AATF: variants seen among roughly 807,000 people sequenced by gnomAD.
AATF encodes the protein apoptosis antagonizing transcription factor.
In AATF, 48 loss-of-function variants were observed where a neutral mutation model predicts 63.7. The observed-to-expected ratio is 0.75, with a 90% CI of 0.60 to 0.96. The LOEUF (loss-of-function observed/expected upper bound fraction) is 0.96. Among genes scored for constraint, AATF ranks in the 40% least tolerant of loss-of-function variants. The pLI is 0.00. For missense variants in AATF, 639 were observed against 685.7 expected (o/e 0.93, Z 0.76); for synonymous variants, 258 against 247.7 (o/e 1.04, Z -0.39).
chr17:37,004,263 G>A (rs959614856), intron 8 of AATF, among the ~76,000 whole-genome samples: 10 of 152,198 alleles, frequency 6.6e-5, no homozygotes, highest in Middle Eastern at 6.8e-3. Flanking sequence ...TTCAGGAGGC[G>A]GAGGTTGCAG....
intron 4 of AATF, among the ~76,000 whole-genome samples, chr17:36,970,394 AC>A (rs1438872491): frequency 6.6e-6 from 1 of 152,130 alleles, no homozygotes; most frequent in East Asian, 1.9e-4. Context: ...TTTAAAAGTT[AC>A]TTTTTAAAAA....
chr17:37,022,151 T>TGTGTGA (rs1555652536), intron 10 of AATF, among the ~76,000 whole-genome samples: 4 of 114,550 alleles, frequency 3.5e-5, no homozygotes, highest in African/African-American at 6.3e-5. Flanking sequence ...TGTGTGTGTG[T>TGTGTGA]GAGAAACACA....
intron 4 of AATF, among the ~76,000 whole-genome samples, chr17:36,982,998 C>T (rs1376048259): frequency 6.6e-6 from 1 of 151,876 alleles, no homozygotes; most frequent in Non-Finnish European, 1.5e-5. Flanking sequence ...ATTTTAAAGT[C>T]CCTTCTGGGA....
chr17:37,028,264 A>T (rs1301249140), intron 10 of AATF, among the ~76,000 whole-genome samples: 1 of 151,954 alleles, frequency 6.6e-6, no homozygotes, highest in African/African-American at 2.4e-5. Context: ...AAAAAAATTT[A>T]AAAATTAGCC....
chr17:37,022,661 G>T (rs1370390925), intron 10 of AATF, among the ~76,000 whole-genome samples: 7 of 151,978 alleles, frequency 4.6e-5, no homozygotes, highest in African/African-American at 9.7e-5. Flanking sequence ...AGTTACTTTG[G>T]GCAAGACCCT....
intron 4 of AATF, among the ~76,000 whole-genome samples, chr17:36,976,444 A>G (rs2071080666): frequency 6.6e-6 from 1 of 152,188 alleles, no homozygotes. Flanking sequence ...TCTTTTAAGG[A>G]TATAGCTCTT....
chr17:37,031,162 A>G (rs1208670280), intron 10 of AATF, among the ~76,000 whole-genome samples: 2 of 151,488 alleles, frequency 1.3e-5, no homozygotes, highest in Non-Finnish European at 2.9e-5. Context: ...ACAGATTGAA[A>G]ATATTCAGGC....
chr17:36,957,228 TACTTA>T (rs577365934), intron 4 of AATF, among the ~76,000 whole-genome samples: 104 of 152,374 alleles, frequency 6.8e-4, no homozygotes, highest in Non-Finnish European at 1.3e-3. Context: ...TTGGGCAAGT[TACTTA>T]ACTTCACAGT....
intron 11 of AATF, among the ~76,000 whole-genome samples, chr17:37,047,076 GAATAAAAATA>G (rs1056883363): frequency 5.3e-5 from 8 of 152,076 alleles, no homozygotes; most frequent in African/African-American, 1.4e-4. Context: ...CCCAGGTCCG[GAATAAAAATA>G]AATAAAAATA....
At chr17:37,034,674 A>G (rs2071576755) in intron 11 of AATF, 1 of 152,200 alleles carries the variant, frequency 6.6e-6, no homozygotes, top group Admixed American at 6.5e-5. Context: ...TCACATTGAA[A>G]AAGACATCAA....
chr17:36,993,664 A>G (rs762604622), intron 8 of AATF, among the ~76,000 whole-genome samples: 18 of 152,146 alleles, frequency 1.2e-4, no homozygotes, highest in African/African-American at 4.3e-4. Flanking sequence ...TTTTTTTAAC[A>G]TGGTCATATG....
intron 2 of AATF, among the ~76,000 whole-genome samples, 167 bp from the exon 3 acceptor site, chr17:36,952,719 C>T (rs2070864882): frequency 6.6e-6 from 1 of 152,166 alleles, no homozygotes; most frequent in South Asian, 2.1e-4. Flanking sequence ...TTGCTTCTCC[C>T]TTAGCATTTT....
intron 4 of AATF, among the ~76,000 whole-genome samples, chr17:36,969,343 T>C (rs2071021362): frequency 6.6e-6 from 1 of 152,226 alleles, no homozygotes; most frequent in South Asian, 2.1e-4. Flanking sequence ...CTGTTTTCAA[T>C]ATTATGCCTT....
intron 8 of AATF, among the ~76,000 whole-genome samples, chr17:36,997,799 C>T (rs544193660): frequency 6.6e-6 from 1 of 152,296 alleles, no homozygotes; most frequent in Admixed American, 6.5e-5. Context: ...GAACAATTCA[C>T]AATTGCAAAA....
intron 11 of AATF, chr17:37,043,401 G>A (rs1189580745): frequency 1.3e-5 from 2 of 152,134 alleles, no homozygotes; most frequent in African/African-American, 4.8e-5. Flanking sequence ...TCAGTCATGA[G>A]GTCACCAGCC....
intron 8 of AATF, among the ~76,000 whole-genome samples, chr17:37,000,741 G>T (rs2071287811): frequency 6.6e-6 from 1 of 152,178 alleles, no homozygotes; most frequent in Admixed American, 6.5e-5. Flanking sequence ...AATATTTATA[G>T]ATTGGGGAGA....
At chr17:36,956,989 AGAG>A (rs536539732) in intron 4 of AATF, among the ~76,000 whole-genome samples, 357 of 150,264 alleles carry the variant, frequency 2.4e-3, no homozygotes, top group African/African-American at 8.4e-3. Context: ...GAAAAAAAAA[AGAG>A]AGAGAGAGAG....
At chr17:37,029,816 C>CT (rs1384346124) in intron 10 of AATF, among the ~76,000 whole-genome samples, 3 of 152,064 alleles carry the variant, frequency 2.0e-5, no homozygotes, top group Admixed American at 2.0e-4. Context: ...TCTGCCCCCC[C>CT]TCAGCCTCCC....
At chr17:36,958,088 T>G (rs1205737338) in intron 4 of AATF, among the ~76,000 whole-genome samples, 1 of 152,126 alleles carries the variant, frequency 6.6e-6, no homozygotes, top group Non-Finnish European at 1.5e-5. Flanking sequence ...AGTCATGGAG[T>G]AATCTTAACA....
Sources: allele counts gnomAD v4.1 joint callset (sites outside exome capture counted in the v4.1 genomes callset), GRCh38; gene constraint gnomAD v4.1.1; transcripts MANE v1.5; gene names NCBI Gene and HGNC (gene_info 2026-07-23, HGNC 2026-07-21).